Variants in PCDH15 observed in about 807,000 individuals in gnomAD.
PCDH15 encodes the protein protocadherin related 15.
In PCDH15, 129 loss-of-function variants were observed where a neutral mutation model predicts 178.5. The ratio of observed to expected loss-of-function variants is 0.72; its 90% CI spans 0.63 to 0.84. The LOEUF is 0.84. PCDH15 is among the 40% of genes least tolerant of loss of function. The pLI is 0.00. For missense variants in PCDH15, 2,230 were observed against 2,099.9 expected (o/e 1.06, Z -1.21); for synonymous variants, 800 against 732.0 (o/e 1.09, Z -1.50).
chr10:55,180,094 G>C (rs1839599772), intron 1 of PCDH15, among the ~76,000 whole-genome samples: 2 of 152,038 alleles, frequency 1.3e-5, no homozygotes, highest in African/African-American at 4.8e-5. Context: ...AGAAGATTCA[G>C]GGAAGGAACT....
intron 2 of PCDH15, among the ~76,000 whole-genome samples, chr10:54,899,168 G>A (rs6481126): frequency 0.74 from 113,261 of 152,088 alleles, 42,535 homozygotes; most frequent in East Asian, 0.89. Flanking sequence ...ATTTATTTGT[G>A]GAAATTAGAT....
At chr10:54,878,142 T>C (rs1954187003) in intron 3 of PCDH15, among the ~76,000 whole-genome samples, 1 of 151,728 alleles carries the variant, frequency 6.6e-6, no homozygotes, top group Admixed American at 6.6e-5. Flanking sequence ...TTTGTGTTTT[T>C]AGTAGAGACG....
At chr10:55,106,425 A>G (rs1842675821) in intron 2 of PCDH15, among the ~76,000 whole-genome samples, 1 of 152,124 alleles carries the variant, frequency 6.6e-6, no homozygotes, top group Non-Finnish European at 1.5e-5. Flanking sequence ...TATTATTACT[A>G]TTTTTGAGAA....
chr10:53,945,674 G>GT (rs935318901), intron 23 of PCDH15, among the ~76,000 whole-genome samples: 1 of 151,410 alleles, frequency 6.6e-6, no homozygotes, highest in African/African-American at 2.4e-5. Flanking sequence ...AGAACATGCA[G>GT]TTTTTTTCTC....
intron 2 of PCDH15, among the ~76,000 whole-genome samples, chr10:54,565,941 A>C (rs1470958602): frequency 6.6e-6 from 1 of 152,092 alleles, no homozygotes; most frequent in African/African-American, 2.4e-5. Flanking sequence ...AAAATTAGCC[A>C]GGTGTGGTGA....
At chr10:55,465,809 G>C (rs1042837875) in intron 2 of PCDH15, among the ~76,000 whole-genome samples, 1 of 152,034 alleles carries the variant, frequency 6.6e-6, no homozygotes, top group Admixed American at 6.6e-5. Context: ...TTTGTCAAAG[G>C]ATCTTTTAAG....
rs1051310623 is a variant in PCDH15 at position 54,111,789 on chromosome 10, A to G, written c.1917+21086T>C. ...CAGAACTCCAAAATACACCTTTATT[A>G]TGACATATAATTCCCTAGTGATTGC... On this transcript the variant is annotated intron_variant, in intron 15 of 37. Transcript: ENST00000644397. Among the ~76,000 whole-genome samples, 3 of 152,078 alleles carry G rather than the reference A, an allele frequency of 2.0e-5. No homozygotes were observed. The East Asian group carries it at 5.8e-4, about 29-fold the overall frequency.
intron 2 of PCDH15, among the ~76,000 whole-genome samples, chr10:54,568,920 G>T (rs1246539017): frequency 6.6e-6 from 1 of 151,872 alleles, no homozygotes; most frequent in African/African-American, 2.4e-5. Context: ...AAAAATTTTT[G>T]ATTGCCATTT....
At chr10:54,594,157 G>A (rs1028340553) in intron 2 of PCDH15, among the ~76,000 whole-genome samples, 7 of 152,038 alleles carry the variant, frequency 4.6e-5, no homozygotes, top group African/African-American at 1.5e-4. Flanking sequence ...ATCATAGCAG[G>A]AGGAGTCTTG....
chr10:54,624,016 T>A (rs1196110113), intron 2 of PCDH15, among the ~76,000 whole-genome samples: 1 of 152,182 alleles, frequency 6.6e-6, no homozygotes, highest in East Asian at 1.9e-4. Flanking sequence ...AGAGAGTACA[T>A]GTTTGATACA....
intron 15 of PCDH15, among the ~76,000 whole-genome samples, chr10:54,109,656 AG>A (rs1262884584): frequency 1.3e-5 from 2 of 152,208 alleles, no homozygotes; most frequent in Non-Finnish European, 2.9e-5. Context: ...GAATTCATGA[AG>A]ATAGAGAGTA....
chr10:53,943,440 C>T (rs2134100105), intron 23 of PCDH15, among the ~76,000 whole-genome samples: 1 of 151,892 alleles, frequency 6.6e-6, no homozygotes, highest in East Asian at 1.9e-4. Flanking sequence ...CACGCCACTG[C>T]ACTACAGTCT....
At chr10:54,817,118 G>T (rs1336289849) in intron 3 of PCDH15, among the ~76,000 whole-genome samples, 3 of 151,836 alleles carry the variant, frequency 2.0e-5, no homozygotes, top group African/African-American at 7.2e-5. Flanking sequence ...TAATGCACAA[G>T]AAATAATATT....
rs141512048 is a variant in PCDH15, at chr10:55,369,827, A to G, written c.-155-203176T>C. ...TGTGTACAATTTTCAGAATGAAAAAAAGAATATTAATACTTCCATTAGGAA... is the reference window on the plus strand; with the variant it reads ...TGTGTACAATTTTCAGAATGAAAAAGAGAATATTAATACTTCCATTAGGAA... On this transcript the variant is annotated intron_variant, in intron 2 of 5. Transcript: ENST00000613346. Among the ~76,000 whole-genome samples the G allele has an allele frequency of 1.9e-3, 291 of 152,146 alleles. 4 individuals carry two copies. The highest frequency in any genetic ancestry group is 7.2e-4 in the Non-Finnish European group (49 of 67,942).
intron 21 of PCDH15, among the ~76,000 whole-genome samples, chr10:53,992,752 C>T (rs540708288): frequency 1.3e-5 from 2 of 152,300 alleles, no homozygotes; most frequent in South Asian, 2.1e-4. Context: ...CAGTCATTCA[C>T]TATTCATGTC....
At chr10:53,963,166 G>A (rs2088554122) in intron 21 of PCDH15, among the ~76,000 whole-genome samples, 1 of 152,102 alleles carries the variant, frequency 6.6e-6, no homozygotes, top group Admixed American at 6.6e-5. Flanking sequence ...CTTCAAGACT[G>A]TCCTTGAAAA....
intron 22 of PCDH15, 127 bp downstream of exon 22, chr10:53,961,625 A>T (rs1375002813): frequency 1.5e-6 from 1 of 664,866 alleles, no homozygotes; most frequent in African/African-American, 1.9e-5. Flanking sequence ...GAGAAAAAAA[A>T]ATTGTAATTT....
intron 34 of PCDH15, among the ~76,000 whole-genome samples, chr10:53,816,642 C>A (rs996541252): frequency 8.5e-5 from 13 of 152,124 alleles, no homozygotes; most frequent in Non-Finnish European, 1.3e-4. Context: ...TCAAGTTTAA[C>A]CTTGTTTTAA....
chr10:55,375,234 G>A (rs951430946), intron 2 of PCDH15, among the ~76,000 whole-genome samples: 18 of 152,100 alleles, frequency 1.2e-4, no homozygotes, highest in Non-Finnish European at 1.6e-4. Context: ...GCTTTCCGGT[G>A]AGTGTTCCTG....
Sources: gnomAD v4.1 joint callset for allele counts (sites outside exome capture counted in the v4.1 genomes callset) on GRCh38, gnomAD v4.1.1 for gene constraint, MANE v1.5 for transcripts, NCBI Gene and HGNC (gene_info 2026-07-23, HGNC 2026-07-21) for gene names.